The following RETREG3 variants were observed in gnomAD, a reference collection of about 807,000 sequenced individuals.
RETREG3 encodes reticulophagy regulator family member 3, also known as reticulophagy regulator 3.
Under a neutral mutation model 50.2 loss-of-function variants are expected in RETREG3, and 23 were observed. That is an observed-to-expected ratio of 0.46 (90% CI 0.33 to 0.65). The LOEUF (loss-of-function observed/expected upper bound fraction) is 0.65, where lower values mean the gene tolerates loss of function less well. RETREG3 is among the 30% of genes least tolerant of loss of function. The pLI is 0.02. For synonymous variants in RETREG3, 240 were observed against 234.4 expected (o/e 1.02, Z -0.22); for missense variants, 546 against 598.0 (o/e 0.91, Z 0.91).
At chr17:42,587,544 T>G in intron 3 of RETREG3, among the ~76,000 whole-genome samples, 1 of 152,232 alleles carries the variant, frequency 6.6e-6, no homozygotes, top group East Asian at 1.9e-4. Flanking sequence ...GTTAGCTGCC[T>G]TTAAGTTTTC....
At chr17:42,597,591 A>ATTTTGTGTG (rs1597739928) in intron 1 of RETREG3, among the ~76,000 whole-genome samples, 1 of 8,082 alleles carries the variant, frequency 1.2e-4, no homozygotes, top group African/African-American at 3.0e-4. Context: ...GTATATATAT[A>ATTTTGTGTG]TATATATATA....
At chr17:42,595,562 A>G (rs1349485967) in intron 1 of RETREG3, among the ~76,000 whole-genome samples, 2 of 152,184 alleles carry the variant, frequency 1.3e-5, no homozygotes, top group East Asian at 1.9e-4. Flanking sequence ...ACACCTGGCC[A>G]TAATTTTTAA....
chr17:42,581,603 C>G lies in RETREG3; in HGVS notation c.*210G>C. The G allele has an allele frequency of 1.8e-6, 1 of 543,600 alleles. No individual in the cohort carries two copies. The highest frequency in any genetic ancestry group is 1.9e-5 in the African/African-American group (1 of 52,982). The allele number at this position is 543,600 out of a possible 1,614,324, so 33.7% of individuals were successfully genotyped here. ...CCTCCCTTGGGGGAGCACACTCTCA[C>G]TTCAGTGACTGAGCTCAGAAATGGG... On this transcript the variant is annotated 3_prime_UTR_variant, in exon 9 of 9. Transcript: ENST00000309428.
intron 2 of RETREG3, among the ~76,000 whole-genome samples, chr17:42,588,663 TCTTTA>T (rs2093126182): frequency 6.6e-6 from 1 of 151,584 alleles, no homozygotes; most frequent in African/African-American, 2.4e-5. Flanking sequence ...CTGCCTGTTC[TCTTTA>T]TTTTTTTGAG....
chr17:42,608,456 G>A (rs999305075), intron 1 of RETREG3, among the ~76,000 whole-genome samples: 2 of 152,204 alleles, frequency 1.3e-5, no homozygotes, highest in Non-Finnish European at 2.9e-5. Context: ...ACAGGGAGGA[G>A]TTACAATCAC....
In RETREG3 at chr17:42,581,800, A is replaced by C; in HGVS notation, c.*13T>G. 6.5e-7 allele frequency: 1 copy of C among 1,547,608 alleles called. No homozygotes were observed. The highest frequency in any genetic ancestry group is 8.7e-7 in the Non-Finnish European group (1 of 1,147,408). ...AACCTAAACCACAGTGACTCCCAAA[A>C]GGAGTCTCTGCCTCAGTGGCTCCTA... On this transcript the variant is annotated 3_prime_UTR_variant, in exon 9 of 9. Transcript: ENST00000309428.
At chr17:42,594,582 G>A (rs2093139973) in intron 1 of RETREG3, among the ~76,000 whole-genome samples, 1 of 151,846 alleles carries the variant, frequency 6.6e-6, no homozygotes, top group African/African-American at 2.4e-5. Context: ...GGTGGCTCAC[G>A]CCTGTAATCC....
Position 42,609,115 on chromosome 17 carries a change from C to A in RETREG3, c.210G>T (p.Leu70=). ...AAGCCGCGTTCAGCCCCAGGCACCA[C>A]AGAGCGCTCCTAGCTGGCCGCTCCC... ...LVWERPARSA[L]WCLGLNAAFW... The change falls in exon 1 of 9, where the codon CTG becomes CTT. Residue 70 remains leucine, a synonymous_variant. Coordinates refer to ENST00000309428, the MANE Select transcript of RETREG3 (RefSeq NM_178126.4). The A allele has an allele frequency of 6.2e-7, 1 of 1,608,378 alleles. No homozygotes were observed. Among genetic ancestry groups the A allele is most frequent in the Non-Finnish European group, 8.5e-7 (1 of 1,179,878 alleles).
chr17:42,608,945 A>T (rs1035740748), intron 1 of RETREG3, 141 bp downstream of exon 1: 28 of 773,660 alleles, frequency 3.6e-5, no homozygotes, highest in Admixed American at 1.1e-4. Flanking sequence ...GGCGGGATGG[A>T]GTGGAAGGAG....
chr17:42,592,180 CAG>C lies in RETREG3; in HGVS notation c.240-20_240-19del. 1.2e-6 allele frequency: 2 copies of C among 1,601,410 alleles called. No individual in the cohort carries two copies. Among genetic ancestry groups the C allele is most frequent in the Non-Finnish European group, 1.7e-6 (2 of 1,170,318 alleles). On this transcript the variant is annotated intron_variant, in intron 1 of 8. Transcript: ENST00000309428. ...CAAAAAACCTACAGAGGAAGAAAAA[CAG>C]AAGAAAGATCATTTACCTAGTTATC... is the stretch of plus-strand genomic sequence containing the variant.
rs931020774 is a variant in RETREG3, at chr17:42,606,107, A to T, written c.239+2979T>A. On this transcript the variant is annotated intron_variant, in intron 1 of 8. Coordinates refer to ENST00000309428, the MANE Select transcript of RETREG3 (RefSeq NM_178126.4). ...ACTGTGTTCTGGATACACAACAGAC[A>T]AGCTACTAGGAAATGCCAAAGATAA... Among the ~76,000 whole-genome samples, 19 of 152,174 alleles carry T rather than the reference A, an allele frequency of 1.2e-4. 1 individual carries two copies. Among genetic ancestry groups the T allele is most frequent in the Admixed American group, 3.3e-4 (5 of 15,262 alleles).
intron 3 of RETREG3, 87 bp from the exon 4 acceptor site, chr17:42,586,978 T>C: frequency 1.9e-6 from 3 of 1,561,220 alleles, no homozygotes; most frequent in Non-Finnish European, 2.6e-6. Flanking sequence ...CTTCCGGTTT[T>C]AAATGGGGTT....
intron 1 of RETREG3, among the ~76,000 whole-genome samples, chr17:42,603,910 G>A (rs1038325265): frequency 3.9e-5 from 6 of 151,912 alleles, no homozygotes; most frequent in South Asian, 4.2e-4. Flanking sequence ...CCGGGAGGTG[G>A]AGCTTGCAGT....
rs1021114761 is a variant in RETREG3 at position 42,580,103 on chromosome 17, A to C, written c.*1710T>G. ...GGCTATAGACTGGCACAGGTTTAGA[A>C]TCAAGTACCATGTTTAGGTTTCTGT... On this transcript the variant is annotated 3_prime_UTR_variant, in exon 9 of 9. Transcript: ENST00000309428. The C allele has an allele frequency of 2.6e-5, 4 of 152,536 alleles. No homozygotes were observed. Among genetic ancestry groups the C allele is most frequent in the Non-Finnish European group, 5.9e-5 (4 of 68,060 alleles). The allele number at this position is 152,536 out of a possible 1,614,324, so 9.4% of individuals were successfully genotyped here.
chr17:42,608,811 T>A (rs1303946687), intron 1 of RETREG3: 1 of 459,718 alleles, frequency 2.2e-6, no homozygotes, highest in African/African-American at 2.0e-5. Context: ...CCTCGCTCAC[T>A]CTTGAGCGGC....
intron 1 of RETREG3, among the ~76,000 whole-genome samples, chr17:42,602,897 C>T: frequency 6.6e-6 from 1 of 152,048 alleles, no homozygotes; most frequent in Non-Finnish European, 1.5e-5. Flanking sequence ...AAGCCATGAT[C>T]ACACCACTGC....
intron 1 of RETREG3, among the ~76,000 whole-genome samples, chr17:42,600,854 A>C (rs1039893697): frequency 1.3e-5 from 2 of 152,198 alleles, no homozygotes; most frequent in African/African-American, 2.4e-5. Context: ...TGTGGTGATG[A>C]ACTCCTGTGG....
At chr17:42,594,963 CTTT>C (rs777063995) in intron 1 of RETREG3, among the ~76,000 whole-genome samples, 2 of 125,282 alleles carry the variant, frequency 1.6e-5, no homozygotes, top group African/African-American at 6.0e-5. Flanking sequence ...TTTTTTTTTA[CTTT>C]TTTTTTTTTT....
intron 1 of RETREG3, 43 bp from the exon 2 acceptor site, chr17:42,592,205 A>G (rs754533173): frequency 6.4e-7 from 1 of 1,562,066 alleles, no homozygotes. Flanking sequence ...TTACCTAGTT[A>G]TCCTAATTTC....
Sources: gnomAD v4.1 joint callset for allele counts (sites outside exome capture counted in the v4.1 genomes callset) on GRCh38, gnomAD v4.1.1 for gene constraint, MANE v1.5 for transcripts, NCBI Gene and HGNC (gene_info 2026-07-23, HGNC 2026-07-21) for gene names.